The following BICDL1 variants were observed in gnomAD, a reference collection of about 807,000 sequenced individuals.
The protein encoded by BICDL1 is BICD family like cargo adaptor 1, also known as BICD family-like cargo adapter 1.
A neutral mutation model predicts 76.8 loss-of-function variants in BICDL1; 20 were observed. That is an observed-to-expected ratio of 0.26 (90% CI 0.18 to 0.38). The LOEUF (loss-of-function observed/expected upper bound fraction) is 0.38, where lower values mean the gene tolerates loss of function less well. Among genes scored for constraint, BICDL1 ranks in the 10% least tolerant of loss-of-function variants. The probability of loss-of-function intolerance (pLI) is 1.00; values close to 1 mark genes in which losing one functional copy is unlikely to be tolerated. For missense variants in BICDL1, 700 were observed against 798.6 expected (o/e 0.88, Z 1.49); for synonymous variants, 383 against 337.1 (o/e 1.14, Z -1.49).
At chr12:120,020,537 G>A (rs766011912) in intron 2 of BICDL1, among the ~76,000 whole-genome samples, 10 of 151,666 alleles carry the variant, frequency 6.6e-5, no homozygotes, top group Admixed American at 2.6e-4. Flanking sequence ...TTTTTTTTAA[G>A]GTAACCAAAT....
chr12:120,066,456 G>A (rs996119589), intron 4 of BICDL1, among the ~76,000 whole-genome samples: 1 of 152,180 alleles, frequency 6.6e-6, no homozygotes, highest in African/African-American at 2.4e-5. Context: ...CTGGGGACCT[G>A]GGTTGGGGGA....
At chr12:120,090,866 G>A (rs751148625) in intron 9 of BICDL1, 213 of 1,287,966 alleles carry the variant, frequency 1.7e-4, no homozygotes, top group Non-Finnish European at 2.0e-4. Context: ...CCAGCTGGCC[G>A]CGCCCTGGCT....
At chr12:120,054,109 G>GT (rs1952923556) in intron 2 of BICDL1, among the ~76,000 whole-genome samples, 3 of 147,886 alleles carry the variant, frequency 2.0e-5, no homozygotes, top group African/African-American at 7.5e-5. Flanking sequence ...GTCTCGCTCT[G>GT]TCGCCCAGGC....
At chr12:120,020,660 A>G (rs1449393080) in intron 2 of BICDL1, among the ~76,000 whole-genome samples, 1 of 152,224 alleles carries the variant, frequency 6.6e-6, no homozygotes, top group Non-Finnish European at 1.5e-5. Flanking sequence ...TAACTGATTC[A>G]GGCAAAAATC....
intron 2 of BICDL1, among the ~76,000 whole-genome samples, chr12:120,057,665 C>T (rs1191598213): frequency 6.6e-6 from 1 of 152,102 alleles, no homozygotes; most frequent in Non-Finnish European, 1.5e-5. Flanking sequence ...AGGTTTATAA[C>T]TCAGATTATC....
In BICDL1 at chr12:120,021,586, C is replaced by CAAAA. The variant is rs145151630; in HGVS notation, c.645+22871_645+22874dup. 2.4e-3 allele frequency among the ~76,000 whole-genome samples: 111 copies of CAAAA among 46,294 alleles called. 1 individual carries two copies. The highest frequency in any genetic ancestry group is 5.5e-3 in the African/African-American group (87 of 15,916). The allele number at this position is 46,294 out of a possible 152,430, so 30.4% of individuals were successfully genotyped here. On this transcript the variant is annotated intron_variant, in intron 2 of 9. Coordinates refer to ENST00000548673, the MANE Select transcript of BICDL1 (RefSeq NM_001367886.1). ...TGGGTGACAGAACGAGACTCCATCT[C>CAAAA]AAAAAAAAAAAAAAAAAAAAAAAAG... is the stretch of plus-strand genomic sequence containing the variant.
chr12:120,035,205 G>A (rs1952508110), intron 2 of BICDL1, among the ~76,000 whole-genome samples: 1 of 152,120 alleles, frequency 6.6e-6, no homozygotes, highest in Admixed American at 6.5e-5. Context: ...GTGTGGTGGT[G>A]CACGCCTGTA....
intron 2 of BICDL1, among the ~76,000 whole-genome samples, chr12:120,017,831 G>T (rs565051097): frequency 1.3e-5 from 2 of 152,280 alleles, no homozygotes; most frequent in Non-Finnish European, 2.9e-5. Flanking sequence ...TCGAGTATAG[G>T]CTGTGGAGCC....
intron 2 of BICDL1, among the ~76,000 whole-genome samples, chr12:120,055,258 A>G (rs1952950076): frequency 6.6e-6 from 1 of 152,244 alleles, no homozygotes; most frequent in Non-Finnish European, 1.5e-5. Flanking sequence ...CTTTCAACAA[A>G]TAAGTAAACT....
chr12:120,088,740 T>G (rs531194506), intron 8 of BICDL1, among the ~76,000 whole-genome samples: 15 of 147,944 alleles, frequency 1.0e-4, no homozygotes, highest in Non-Finnish European at 1.6e-4. Flanking sequence ...GATCTGGGCT[T>G]ACTGCAAGCT....
intron 9 of BICDL1, chr12:120,090,693 C>A: frequency 2.7e-6 from 1 of 368,546 alleles, no homozygotes; most frequent in East Asian, 7.3e-5. Flanking sequence ...CAAGAATTCT[C>A]ATCCAGACAG....
rs558269631 is a variant in BICDL1, at chr12:120,003,254, G to C, written c.645+4518G>C. ...AGGGTGAGGAGCCAGCTGTGGAAGA[G>C]CTAAGGGAACAGCATTCTTTGATGA... On this transcript the variant is annotated intron_variant, in intron 2 of 9. Transcript: ENST00000548673. 2.0e-5 allele frequency among the ~76,000 whole-genome samples: 3 copies of C among 151,922 alleles called. 1 individual carries two copies. Among genetic ancestry groups the C allele is most frequent in the African/African-American group, 7.3e-5 (3 of 41,362 alleles).
chr12:120,050,057 A>C (rs1952823600), intron 2 of BICDL1, among the ~76,000 whole-genome samples: 1 of 152,250 alleles, frequency 6.6e-6, no homozygotes, highest in South Asian at 2.1e-4. Context: ...CTGGTCACTA[A>C]TGATGGGGAG....
At chr12:120,077,925 A>G (rs1302824349) in intron 7 of BICDL1, among the ~76,000 whole-genome samples, 1 of 152,126 alleles carries the variant, frequency 6.6e-6, no homozygotes, top group African/African-American at 2.4e-5. Flanking sequence ...GTGGCTGTGC[A>G]GTCTGGCTGC....
At chr12:120,005,296 T>G (rs1484105083) in intron 2 of BICDL1, among the ~76,000 whole-genome samples, 2 of 152,212 alleles carry the variant, frequency 1.3e-5, no homozygotes, top group East Asian at 3.8e-4. Context: ...GGTGTTAATT[T>G]TTTTTGTATT....
chr12:120,052,142 C>T (rs956483037), intron 2 of BICDL1, among the ~76,000 whole-genome samples: 1 of 152,050 alleles, frequency 6.6e-6, no homozygotes, highest in Admixed American at 6.6e-5. Flanking sequence ...CGGGTTTTCA[C>T]TATGTTGGCC....
At chr12:120,000,343 T>C (rs1246466139) in intron 2 of BICDL1, 2 of 152,234 alleles carry the variant, frequency 1.3e-5, no homozygotes, top group African/African-American at 4.8e-5. Context: ...GGAAGTCACT[T>C]CACAGAGCCA....
At chr12:120,090,756 G>T (rs1213286249) in intron 9 of BICDL1, 29 of 532,374 alleles carry the variant, frequency 5.4e-5, no homozygotes, top group South Asian at 4.3e-4. Context: ...AGGGCAGGTT[G>T]TTGGTGACCA....
chr12:120,061,758 G>A lies in BICDL1; in HGVS notation c.694G>A (p.Glu232Lys). The A allele has an allele frequency of 6.2e-7, 1 of 1,614,236 alleles. No homozygotes were observed. The highest frequency in any genetic ancestry group is 8.5e-7 in the Non-Finnish European group (1 of 1,180,036). ...QLSMQVHALR[E>K]DFREKNSSTN... ...CTCCATGCAGGTCCACGCCCTCAGAGAAGACTTTCGGGAGAAAAACTCATC... is the reference window on the plus strand; with the variant it reads ...CTCCATGCAGGTCCACGCCCTCAGAAAAGACTTTCGGGAGAAAAACTCATC... Residue 232 changes from glutamate (E) to lysine (K), a missense_variant, in exon 3 of 10, where the codon GAA (glutamate) becomes AAA (lysine). This residue lies in a region of BICDL1 where 455 missense variants were observed against 548.7 expected (regional missense o/e 0.83). Transcript: ENST00000548673.
Sources: allele counts gnomAD v4.1 joint callset (sites outside exome capture counted in the v4.1 genomes callset), GRCh38; gene constraint gnomAD v4.1.1; regional missense constraint gnomAD v4.1.1; transcripts MANE v1.5; gene names NCBI Gene and HGNC (gene_info 2026-07-23, HGNC 2026-07-21).